The following SNCAIP variants were observed in gnomAD, a reference collection of about 807,000 sequenced individuals.
The protein encoded by SNCAIP is synuclein alpha interacting protein.
Under a neutral mutation model 86.7 loss-of-function variants are expected in SNCAIP, and 43 were observed. That is an observed-to-expected ratio of 0.50 (90% CI 0.39 to 0.64). The LOEUF (loss-of-function observed/expected upper bound fraction) is 0.64. Ranked by LOEUF, SNCAIP falls within the 30% of genes least tolerant of loss-of-function variation. SNCAIP has a pLI of 0.00. For synonymous variants in SNCAIP, 417 were observed against 427.2 expected (o/e 0.98, Z 0.29); for missense variants, 981 against 1,103.1 (o/e 0.89, Z 1.57).
intron 3 of SNCAIP, among the ~76,000 whole-genome samples, chr5:122,407,897 G>A (rs940108721): frequency 6.6e-5 from 10 of 152,176 alleles, no homozygotes; most frequent in Non-Finnish European, 1.3e-4. Context: ...AATCTCACAA[G>A]GCAGCACATC....
In SNCAIP at chr5:122,460,181, G is replaced by A. The variant is rs146003779; in HGVS notation, c.2755-3310G>A. On this transcript the variant is annotated intron_variant, in intron 10 of 10. Transcript: ENST00000261368. ...CAGTCACCTAGGCTGCAGTGCAGTC[G>A]TGTGATCTTGGCTCACAGCATCCTC... 5.7e-3 allele frequency among the ~76,000 whole-genome samples: 855 copies of A among 150,898 alleles called. 9 individuals carry two copies. Among genetic ancestry groups the A allele is most frequent in the African/African-American group, 0.02 (814 of 40,968 alleles).
At chr5:122,358,705 A>G (rs1261474351) in intron 1 of SNCAIP, among the ~76,000 whole-genome samples, 1 of 152,024 alleles carries the variant, frequency 6.6e-6, no homozygotes, top group Non-Finnish European at 1.5e-5. Context: ...TTACCTTGTG[A>G]AAAACCACAG....
Position 122,361,056 on chromosome 5 carries a change from TGTTA to T in SNCAIP, c.-46-30029_-46-30026del, listed in dbSNP as rs200712990. The stretch of plus-strand genomic sequence containing the variant: ...ATTAATACCTATATTCTATAAAATT[TGTTA>T]GTTTTTAAAAATGAATTGGCAATCA... On this transcript the variant is annotated intron_variant, in intron 1 of 10. Coordinates refer to ENST00000261368, the MANE Select transcript of SNCAIP (RefSeq NM_005460.4). Among the ~76,000 whole-genome samples, 300 of 152,170 alleles carry T rather than the reference TGTTA, an allele frequency of 2.0e-3. 4 individuals are homozygous for T. The East Asian group carries it at 0.048, about 24-fold the overall frequency.
At chr5:122,456,739 G>A (rs375903289) in intron 10 of SNCAIP, among the ~76,000 whole-genome samples, 13 of 152,182 alleles carry the variant, frequency 8.5e-5, no homozygotes, top group African/African-American at 1.7e-4. Flanking sequence ...ACCTTAAAAT[G>A]TTAACATTAT....
At chr5:122,450,415 A>C (rs1783482213) in intron 9 of SNCAIP, 118 bp from the exon 10 acceptor site, 2 of 804,828 alleles carry the variant, frequency 2.5e-6, no homozygotes, top group South Asian at 2.8e-5. Context: ...TTATGTACTT[A>C]TCTGTATTCT....
At chr5:122,381,084 C>A (rs367843800) in intron 1 of SNCAIP, among the ~76,000 whole-genome samples, 1 of 148,614 alleles carries the variant, frequency 6.7e-6, no homozygotes, top group African/African-American at 2.6e-5. Flanking sequence ...GAGTTGAATT[C>A]CTGGGTATCC....
chr5:122,373,086 G>A (rs1279973815), intron 1 of SNCAIP, among the ~76,000 whole-genome samples: 1 of 152,062 alleles, frequency 6.6e-6, no homozygotes, highest in African/African-American at 2.4e-5. Context: ...GAGTGGAGTG[G>A]TGTACTTTCA....
At chr5:122,426,596 C>T (rs1314472802) in intron 5 of SNCAIP, among the ~76,000 whole-genome samples, 1 of 152,156 alleles carries the variant, frequency 6.6e-6, no homozygotes, top group Non-Finnish European at 1.5e-5. Context: ...TACTTCAAAT[C>T]TAGCATAGAA....
intron 3 of SNCAIP, among the ~76,000 whole-genome samples, chr5:122,406,153 A>G (rs1045687762): frequency 1.1e-4 from 17 of 152,156 alleles, no homozygotes; most frequent in African/African-American, 3.9e-4. Flanking sequence ...AGAATTATCC[A>G]TGGGCCCCTC....
At chr5:122,463,380 G>T in intron 10 of SNCAIP, 111 bp from the exon 11 acceptor site, 1 of 738,784 alleles carries the variant, frequency 1.4e-6, no homozygotes, top group Non-Finnish European at 2.5e-6. Context: ...GTTCTTCAGT[G>T]TGGTTTGTGT....
At chr5:122,334,739 A>G (rs986435466) in intron 1 of SNCAIP, among the ~76,000 whole-genome samples, 6 of 152,242 alleles carry the variant, frequency 3.9e-5, no homozygotes, top group African/African-American at 1.4e-4. Context: ...CTTATTAGAA[A>G]ATGTGCTAAT....
intron 7 of SNCAIP, chr5:122,444,321 C>A (rs1781802389): frequency 1.8e-6 from 1 of 567,896 alleles, no homozygotes; most frequent in South Asian, 1.7e-5. Flanking sequence ...TAAAGGAGAG[C>A]ACACTATGGA....
Position 122,425,501 on chromosome 5 carries a change from G to A in SNCAIP, c.1152G>A (p.Glu384=). Residue 384 remains glutamate (E), a synonymous_variant, in exon 5 of 11, where the codon GAG becomes GAA. Transcript: ENST00000261368. ...GEDCLNERNT[E]KLTPAGLAIK... Reference sequence around the variant, plus strand: ...ACTGCCTCAATGAGCGCAACACTGAGAAGTTGACTCCAGCAGGCCTGGCCA... The same window carrying A: ...ACTGCCTCAATGAGCGCAACACTGAAAAGTTGACTCCAGCAGGCCTGGCCA... 2 of 1,614,146 alleles carry A rather than the reference G, an allele frequency of 1.2e-6. No individual in the cohort carries two copies. Among genetic ancestry groups the A allele is most frequent in the Non-Finnish European group, 1.7e-6 (2 of 1,180,012 alleles).
intron 2 of SNCAIP, among the ~76,000 whole-genome samples, chr5:122,402,668 C>T (rs1308038560): frequency 2.0e-5 from 3 of 152,280 alleles, no homozygotes; most frequent in Non-Finnish European, 2.9e-5. Context: ...CATGTATTGA[C>T]GTCAAGCTAA....
chr5:122,395,687 A>C (rs1187832388), intron 2 of SNCAIP, among the ~76,000 whole-genome samples: 1 of 152,106 alleles, frequency 6.6e-6, no homozygotes, highest in Non-Finnish European at 1.5e-5. Flanking sequence ...TTTTGTGTGC[A>C]TCACCTTTTC....
chr5:122,395,129 T>C (rs1392319201), intron 2 of SNCAIP, among the ~76,000 whole-genome samples: 2 of 152,160 alleles, frequency 1.3e-5, no homozygotes, highest in African/African-American at 4.8e-5. Context: ...ATAGACATTA[T>C]AAATAAGTAA....
chr5:122,326,228 A>G (rs1753987945), intron 1 of SNCAIP, among the ~76,000 whole-genome samples: 1 of 152,134 alleles, frequency 6.6e-6, no homozygotes, highest in South Asian at 2.1e-4. Flanking sequence ...TATAAGCAAC[A>G]CTGAATAGGA....
At chr5:122,449,502 C>G (rs1354447708) in intron 8 of SNCAIP, among the ~76,000 whole-genome samples, 1 of 152,096 alleles carries the variant, frequency 6.6e-6, no homozygotes, top group South Asian at 2.1e-4. Flanking sequence ...ATTATATAGA[C>G]ATAATTAGGA....
chr5:122,403,672 T>G, intron 2 of SNCAIP, 121 bp from the exon 3 acceptor site: 1 of 843,834 alleles, frequency 1.2e-6, no homozygotes, highest in African/African-American at 1.7e-5. Context: ...TGAGATAAAT[T>G]TTCTGAATAT....
Sources: allele counts gnomAD v4.1 joint callset (sites outside exome capture counted in the v4.1 genomes callset), GRCh38; gene constraint gnomAD v4.1.1; transcripts MANE v1.5; gene names NCBI Gene and HGNC (gene_info 2026-07-23, HGNC 2026-07-21).